Variants in RANBP2 observed in about 807,000 individuals in gnomAD.
The protein encoded by RANBP2 is E3 SUMO-protein ligase RanBP2.
Under a neutral mutation model 303.6 loss-of-function variants are expected in RANBP2, and 57 were observed. The observed-to-expected ratio is 0.19, with a 90% CI of 0.15 to 0.23. The LOEUF (loss-of-function observed/expected upper bound fraction) is 0.23. Ranked by LOEUF, RANBP2 falls within the 10% of genes least tolerant of loss-of-function variation. RANBP2 has a pLI of 1.00. For synonymous variants in RANBP2, 1,167 were observed against 1,301.5 expected, an observed-to-expected ratio of 0.90 and a Z score of 2.23; for missense variants, 3,138 against 3,780.8, an observed-to-expected ratio of 0.83 and a Z score of 4.46.
the RANBP2 span, among the ~76,000 whole-genome samples, chr2:109,492,945 C>T: frequency 6.6e-6 from 1 of 152,036 alleles, no homozygotes; most frequent in East Asian, 1.9e-4. Context: ...GTGCCTTCCC[C>T]TCTACAGGGC....
chr2:109,195,544 TC>T, the RANBP2 span, among the ~76,000 whole-genome samples: 2 of 152,242 alleles, frequency 1.3e-5, no homozygotes, highest in Non-Finnish European at 2.9e-5. Flanking sequence ...TAATTAAGTT[TC>T]CCATTTGCAC....
chr2:109,629,235 T>TAAA, the RANBP2 span, among the ~76,000 whole-genome samples: 7 of 138,094 alleles, frequency 5.1e-5, no homozygotes, highest in East Asian at 2.2e-4. Context: ...AATAAATAAA[T>TAAA]AAAATGCTTA....
the RANBP2 span, among the ~76,000 whole-genome samples, chr2:108,908,960 C>T: frequency 6.6e-6 from 1 of 152,206 alleles, no homozygotes; most frequent in African/African-American, 2.4e-5. Context: ...TGGTAGGACC[C>T]ATCCCTGTCC....
At chr2:108,870,714 A>G in the RANBP2 span, among the ~76,000 whole-genome samples, 1 of 152,256 alleles carries the variant, frequency 6.6e-6, no homozygotes, top group African/African-American at 2.4e-5. Flanking sequence ...GCTAAATGAA[A>G]TAAGCCAGGC....
the RANBP2 span, among the ~76,000 whole-genome samples, chr2:109,071,526 T>TA: frequency 6.6e-6 from 1 of 152,092 alleles, no homozygotes; most frequent in African/African-American, 2.4e-5. Flanking sequence ...ATACAAAAAT[T>TA]ATCTGGGTGT....
the RANBP2 span, among the ~76,000 whole-genome samples, chr2:109,637,363 T>A: frequency 7.7e-4 from 117 of 152,242 alleles, no homozygotes; most frequent in African/African-American, 2.8e-3. Context: ...TTCCTCTATC[T>A]CAACTGCAAG....
At chr2:108,741,654 T>C (rs1389213784) in intron 7 of RANBP2, among the ~76,000 whole-genome samples, 3 of 150,502 alleles carry the variant, frequency 2.0e-5, no homozygotes, top group East Asian at 4.0e-4. Context: ...TACAGGCACC[T>C]GCCAGCATGC....
Position 108,783,812 on chromosome 2 carries a change from A to T in RANBP2, c.9586A>T (p.Met3196Leu). The T allele has an allele frequency of 6.2e-7, 1 of 1,612,586 alleles. No individual in the cohort carries two copies. The highest frequency in any genetic ancestry group is 8.5e-7 in the Non-Finnish European group (1 of 1,178,608). ...AGTATTTGGGTTTGTTAAGGATGGC[A>T]TGGATACTGTGAAAAAGATTGAATC... ...HVVFGFVKDG[M>L]DTVKKIESFG... The change falls in exon 29 of 29, where the codon ATG becomes TTG. Residue 3196 changes from methionine (M) to leucine (L), a missense_variant. Met to Leu is a conservative substitution (Grantham distance 15, BLOSUM62 2). This residue lies in a region of RANBP2 where 22 missense variants were observed against 48.8 expected (regional missense o/e 0.45). Coordinates refer to ENST00000283195, the MANE Select transcript of RANBP2 (RefSeq NM_006267.5).
chr2:109,249,342 A>C, the RANBP2 span, among the ~76,000 whole-genome samples: 2 of 152,180 alleles, frequency 1.3e-5, no homozygotes, highest in African/African-American at 2.4e-5. Context: ...CTTTGCAAAA[A>C]ATCCCCGAGC....
chr2:109,564,205 C>A, the RANBP2 span: 1 of 568,496 alleles, frequency 1.8e-6, no homozygotes, highest in Non-Finnish European at 2.7e-6. Context: ...AAGAAGGAGT[C>A]AAGTGATTCA....
chr2:108,824,078 GTAGT>G, the RANBP2 span, among the ~76,000 whole-genome samples: 1 of 152,130 alleles, frequency 6.6e-6, no homozygotes, highest in Non-Finnish European at 1.5e-5. Flanking sequence ...CAGTGAGTGA[GTAGT>G]GAGTGAGTGT....
At chr2:108,882,732 TTCTC>T in the RANBP2 span, 1 of 152,382 alleles carries the variant, frequency 6.6e-6, no homozygotes, top group African/African-American at 2.4e-5. Flanking sequence ...GGCCTCCTCT[TTCTC>T]TCACCATCTA....
the RANBP2 span, among the ~76,000 whole-genome samples, chr2:108,995,335 T>C: frequency 1.3e-5 from 2 of 152,108 alleles, no homozygotes; most frequent in African/African-American, 4.8e-5. Flanking sequence ...AAATTAAAAA[T>C]CACACCTATT....
At chr2:109,311,751 G>A in the RANBP2 span, among the ~76,000 whole-genome samples, 1 of 152,070 alleles carries the variant, frequency 6.6e-6, no homozygotes, top group Non-Finnish European at 1.5e-5. Flanking sequence ...TGAAAAGGGC[G>A]CTAATTTCAA....
the RANBP2 span, chr2:108,846,816 AATTCTCC>A: frequency 6.2e-7 from 1 of 1,612,210 alleles, no homozygotes; most frequent in African/African-American, 1.3e-5. Context: ...AATTCAGGAT[AATTCTCC>A]ACAGCATTCT....
At chr2:109,140,712 G>A in the RANBP2 span, among the ~76,000 whole-genome samples, 1 of 152,162 alleles carries the variant, frequency 6.6e-6, no homozygotes, top group Non-Finnish European at 1.5e-5. Flanking sequence ...ATGGGAAATA[G>A]AATTTTTTCC....
chr2:108,873,377 T>C, the RANBP2 span: 6 of 1,308,842 alleles, frequency 4.6e-6, no homozygotes, highest in Non-Finnish European at 4.0e-6. Context: ...CTCACATAGT[T>C]CTGATTTTAA....
chr2:109,143,331 A>C, the RANBP2 span, among the ~76,000 whole-genome samples: 1 of 152,184 alleles, frequency 6.6e-6, no homozygotes, highest in Non-Finnish European at 1.5e-5. Flanking sequence ...AAATGCCTTA[A>C]GTTGAAGTGA....
At chr2:109,425,351 G>A in the RANBP2 span, among the ~76,000 whole-genome samples, 1 of 152,066 alleles carries the variant, frequency 6.6e-6, no homozygotes, top group South Asian at 2.1e-4. Context: ...TAAAATCACT[G>A]ATGAAGGTGG....
Sources: allele counts gnomAD v4.1 joint callset (sites outside exome capture counted in the v4.1 genomes callset), GRCh38; gene constraint gnomAD v4.1.1; regional missense constraint gnomAD v4.1.1; transcripts MANE v1.5; gene names NCBI Gene and HGNC (gene_info 2026-07-23, HGNC 2026-07-21).